CSTPP1: variants seen among roughly 807,000 people sequenced by gnomAD.
The protein encoded by CSTPP1 is centriolar satellite-associated tubulin polyglutamylase complex regulator 1.
chr11:47,081,422 A>G, the CSTPP1 span, among the ~76,000 whole-genome samples: 1 of 152,194 alleles, frequency 6.6e-6, no homozygotes, highest in African/African-American at 2.4e-5. Context: ...ACTGTGTGCC[A>G]GGCACTGTTC....
chr11:46,993,217 G>T, the CSTPP1 span, among the ~76,000 whole-genome samples: 1 of 152,106 alleles, frequency 6.6e-6, no homozygotes, highest in Non-Finnish European at 1.5e-5. Flanking sequence ...AGTTTCTTTT[G>T]CAGTGCAGAA....
At chr11:47,147,829 C>G in the CSTPP1 span, among the ~76,000 whole-genome samples, 1 of 152,144 alleles carries the variant, frequency 6.6e-6, no homozygotes, top group South Asian at 2.1e-4. Context: ...CTGAACTGAC[C>G]TCATAGGATT....
At chr11:47,073,910 TAGA>T in the CSTPP1 span, among the ~76,000 whole-genome samples, 2 of 152,210 alleles carry the variant, frequency 1.3e-5, no homozygotes, top group Admixed American at 6.5e-5. Context: ...GTATTGAGGG[TAGA>T]AGATTTCAGT....
At chr11:47,079,939 C>CA in the CSTPP1 span, among the ~76,000 whole-genome samples, 15 of 151,590 alleles carry the variant, frequency 9.9e-5, no homozygotes, top group African/African-American at 2.2e-4. Flanking sequence ...ATTAAAAATA[C>CA]AAAAAAATTT....
the CSTPP1 span, among the ~76,000 whole-genome samples, chr11:47,053,625 AAAAAAAAAAGAAAAAAG>A: frequency 2.3e-4 from 35 of 151,824 alleles, no homozygotes; most frequent in South Asian, 6.2e-4. Context: ...GCCTCAAAAA[AAAAAAAAAAGAAAAAAG>A]AAAAGAAAAG....
At chr11:47,122,003 C>T in the CSTPP1 span, among the ~76,000 whole-genome samples, 3 of 136,050 alleles carry the variant, frequency 2.2e-5, no homozygotes, top group East Asian at 4.3e-4. Context: ...CCCAGGAATT[C>T]GAGGGTGCAA....
At chr11:47,021,992 A>G in the CSTPP1 span, among the ~76,000 whole-genome samples, 2 of 149,962 alleles carry the variant, frequency 1.3e-5, no homozygotes, top group African/African-American at 4.9e-5. Context: ...TACCTTGTCA[A>G]TATTTCACTC....
At chr11:46,999,655 C>G in the CSTPP1 span, among the ~76,000 whole-genome samples, 1 of 152,152 alleles carries the variant, frequency 6.6e-6, no homozygotes, top group Non-Finnish European at 1.5e-5. Context: ...TTGGGGGATG[C>G]AACTAGAGCT....
At chr11:47,111,401 C>T in the CSTPP1 span, among the ~76,000 whole-genome samples, 1 of 152,106 alleles carries the variant, frequency 6.6e-6, no homozygotes, top group Non-Finnish European at 1.5e-5. Flanking sequence ...GCTTACTCCC[C>T]GGTGGTTTGT....
chr11:47,081,121 G>T, the CSTPP1 span, among the ~76,000 whole-genome samples: 1 of 151,944 alleles, frequency 6.6e-6, no homozygotes, highest in African/African-American at 2.4e-5. Flanking sequence ...GAAAGGCATG[G>T]TATGTTCTTA....
chr11:47,028,666 T>C, the CSTPP1 span, among the ~76,000 whole-genome samples: 1 of 152,180 alleles, frequency 6.6e-6, no homozygotes, highest in Non-Finnish European at 1.5e-5. Flanking sequence ...CTGACTTGCC[T>C]CACTGATTTC....
chr11:46,971,750 C>A, the CSTPP1 span, among the ~76,000 whole-genome samples: 1 of 151,996 alleles, frequency 6.6e-6, no homozygotes, highest in Non-Finnish European at 1.5e-5. Context: ...TTTGAGACCA[C>A]CCTGGGCAAC....
chr11:47,123,317 C>T, the CSTPP1 span: 1 of 152,210 alleles, frequency 6.6e-6, no homozygotes, highest in Non-Finnish European at 1.5e-5. Flanking sequence ...GCTGGCCCAT[C>T]ATTACCAGGT....
the CSTPP1 span, among the ~76,000 whole-genome samples, chr11:47,134,253 A>G: frequency 2.0e-5 from 3 of 152,016 alleles, no homozygotes; most frequent in African/African-American, 4.8e-5. Flanking sequence ...GCTGGAGTGC[A>G]GTGGCATGAC....
the CSTPP1 span, among the ~76,000 whole-genome samples, chr11:47,029,084 A>T: frequency 2.6e-5 from 4 of 151,888 alleles, no homozygotes; most frequent in East Asian, 7.8e-4. Context: ...GGCACAAGCA[A>T]TTCATCTGCC....
chr11:47,157,739 T>A, the CSTPP1 span: 1 of 1,454,582 alleles, frequency 6.9e-7, no homozygotes, highest in Non-Finnish European at 9.6e-7. Context: ...GGTATCCTCA[T>A]GAACCTGAAA....
the CSTPP1 span, among the ~76,000 whole-genome samples, chr11:47,047,591 T>C: frequency 6.6e-6 from 1 of 152,234 alleles, no homozygotes; most frequent in Admixed American, 6.5e-5. Context: ...ACAGTTTTCA[T>C]AACATTAAAT....
the CSTPP1 span, chr11:47,164,034 C>T: frequency 6.5e-7 from 1 of 1,548,374 alleles, no homozygotes; most frequent in Admixed American, 1.9e-5. Flanking sequence ...TGCTCGCTCG[C>T]CCTCAGCCAG....
chr11:47,154,803 G>A, the CSTPP1 span: 3 of 291,120 alleles, frequency 1.0e-5, no homozygotes, highest in South Asian at 6.5e-5. Flanking sequence ...AGAATGAAAG[G>A]ATTTACTGCT....
Sources: gnomAD v4.1 joint callset for allele counts (sites outside exome capture counted in the v4.1 genomes callset) on GRCh38, gnomAD v4.1.1 for gene constraint, MANE v1.5 for transcripts, NCBI Gene and HGNC (gene_info 2026-07-23, HGNC 2026-07-21) for gene names.